The following SPATA13 variants were observed in gnomAD, a reference collection of about 807,000 sequenced individuals.
The protein encoded by SPATA13 is spermatogenesis-associated protein 13.
Under a neutral mutation model 104.0 loss-of-function variants are expected in SPATA13, and 50 were observed. That is an observed-to-expected ratio of 0.48 (90% CI 0.38 to 0.61). SPATA13 has a LOEUF of 0.61. SPATA13 is among the 20% of genes least tolerant of loss of function. The pLI is 0.00. For synonymous variants in SPATA13, 606 were observed against 667.5 expected (o/e 0.91, Z 1.42); for missense variants, 1,524 against 1,690.6 (o/e 0.90, Z 1.73).
At chr13:24,176,616 G>A (rs1031656542) in intron 1 of SPATA13, among the ~76,000 whole-genome samples, 2 of 151,886 alleles carry the variant, frequency 1.3e-5, no homozygotes, top group South Asian at 4.1e-4. Context: ...TCCCAGAAAT[G>A]ACCCTCAGTC....
chr13:24,152,105 A>G (rs1566122998), intron 3 of SPATA13, among the ~76,000 whole-genome samples: 1 of 152,218 alleles, frequency 6.6e-6, no homozygotes, highest in South Asian at 2.1e-4. Context: ...AAAATACCTT[A>G]GACTCAGTAA....
At chr13:24,187,736 C>A (rs1239205682) in intron 1 of SPATA13, among the ~76,000 whole-genome samples, 1 of 152,158 alleles carries the variant, frequency 6.6e-6, no homozygotes, top group African/African-American at 2.4e-5. Flanking sequence ...TAAACTTGAT[C>A]AATAAATGTT....
At chr13:24,248,606 C>G (rs1435183184) in intron 2 of SPATA13, among the ~76,000 whole-genome samples, 2 of 152,182 alleles carry the variant, frequency 1.3e-5, no homozygotes, top group African/African-American at 4.8e-5. Context: ...GTAGCCTAGT[C>G]TAGTTCTTTG....
intron 1 of SPATA13, among the ~76,000 whole-genome samples, chr13:24,183,900 GAC>G (rs923947087): frequency 1.3e-5 from 2 of 152,094 alleles, no homozygotes; most frequent in African/African-American, 4.8e-5. Context: ...CGCTTCCTCA[GAC>G]ACAGCGTCAC....
intron 3 of SPATA13, among the ~76,000 whole-genome samples, chr13:24,030,869 C>T (rs1299923887): frequency 6.6e-6 from 1 of 152,100 alleles, no homozygotes; most frequent in African/African-American, 2.4e-5. Context: ...TCCTCACAGC[C>T]CAATGAAATG....
At chr13:24,082,518 C>CAAAT (rs1879557390) in intron 3 of SPATA13, among the ~76,000 whole-genome samples, 1 of 152,068 alleles carries the variant, frequency 6.6e-6, no homozygotes, top group South Asian at 2.1e-4. Context: ...CAACTACAGC[C>CAAAT]AAAATAAAAA....
At chr13:24,116,133 A>G (rs1051044821) in intron 3 of SPATA13, among the ~76,000 whole-genome samples, 51 of 152,254 alleles carry the variant, frequency 3.3e-4, no homozygotes, top group African/African-American at 1.2e-3. Flanking sequence ...TGAGTGGCTC[A>G]TGAACAACAG....
intron 3 of SPATA13, among the ~76,000 whole-genome samples, chr13:24,024,646 G>A (rs1302665638): frequency 2.7e-5 from 4 of 148,992 alleles, no homozygotes; most frequent in African/African-American, 9.9e-5. Flanking sequence ...TGTCACACAG[G>A]AAGTTTTTCT....
At chr13:24,270,766 C>A in intron 4 of SPATA13, 2 of 1,600,414 alleles carry the variant, frequency 1.2e-6, no homozygotes, top group South Asian at 1.1e-5. Flanking sequence ...CCCGTAGCTG[C>A]CAGCCTGTGC....
intron 10 of SPATA13, among the ~76,000 whole-genome samples, chr13:24,296,621 C>T (rs1876802528): frequency 6.6e-6 from 1 of 152,132 alleles, no homozygotes; most frequent in African/African-American, 2.4e-5. Context: ...TACTGTGTCC[C>T]CTGCATGAAT....
chr13:24,103,627 A>C (rs762093000), intron 3 of SPATA13, among the ~76,000 whole-genome samples: 1 of 152,144 alleles, frequency 6.6e-6, no homozygotes, highest in African/African-American at 2.4e-5. Flanking sequence ...AGCTTGTATA[A>C]CTGTCTATAT....
intron 3 of SPATA13, among the ~76,000 whole-genome samples, chr13:24,079,942 T>G (rs1879455230): frequency 6.6e-6 from 1 of 152,244 alleles, no homozygotes; most frequent in African/African-American, 2.4e-5. Context: ...AGATGCTGAC[T>G]TTCAAGTTAA....
intron 3 of SPATA13, among the ~76,000 whole-genome samples, chr13:24,078,409 A>G (rs1054427113): frequency 1.3e-5 from 2 of 152,224 alleles, no homozygotes; most frequent in Admixed American, 6.5e-5. Flanking sequence ...ACTCACAGTA[A>G]CAGTCTGAAG....
intron 2 of SPATA13, among the ~76,000 whole-genome samples, chr13:24,003,552 G>A (rs115606484): frequency 0.025 from 3,817 of 152,224 alleles, 149 homozygotes; most frequent in African/African-American, 0.086. Flanking sequence ...GAAAACCTAG[G>A]ATTTTAAAAG....
In SPATA13 at chr13:24,223,381, G is replaced by A; in HGVS notation, c.452G>A (p.Gly151Asp). ...GGCCTGGGAAAGTCCATCCCAAATG[G>A]CGCTGTCCCAGGAGCCCAGGCAAGC... ...EHGLGKSIPNGAVPGAQASRG... is the reference protein window; with the variant it reads ...EHGLGKSIPNDAVPGAQASRG... Residue 151 changes from glycine (G) to aspartate (D), a missense_variant, in exon 2 of 13, where the codon GGC becomes GAC. Physicochemically the swap from Gly to Asp is moderately conservative, Grantham distance 94. Around this residue, in one of 2 missense-constraint regions of SPATA13, gnomAD observed 1,089 missense variants for 1,135.9 expected, o/e 0.96. Transcript: ENST00000382108. 1 of 1,551,316 alleles carries A rather than the reference G, an allele frequency of 6.4e-7. No individual in the cohort carries two copies. Among genetic ancestry groups the A allele is most frequent in the South Asian group, 1.2e-5 (1 of 84,064 alleles).
At chr13:24,268,812 G>C (rs918407572) in intron 4 of SPATA13, among the ~76,000 whole-genome samples, 2 of 152,150 alleles carry the variant, frequency 1.3e-5, no homozygotes, top group Admixed American at 1.3e-4. Flanking sequence ...CTGGTCATAA[G>C]AGTTTGTGTG....
At chr13:24,183,887 G>A (rs770044241) in intron 1 of SPATA13, among the ~76,000 whole-genome samples, 2 of 152,004 alleles carry the variant, frequency 1.3e-5, no homozygotes, top group African/African-American at 4.8e-5. Context: ...AAATAATCAC[G>A]GGCGCTTCCT....
intron 1 of SPATA13, among the ~76,000 whole-genome samples, chr13:24,190,052 CAT>C (rs1306764191): frequency 0.029 from 319 of 11,162 alleles, 129 homozygotes; most frequent in Non-Finnish European, 0.11. Context: ...TATTATATAA[CAT>C]ATAATGATAT....
In SPATA13 at chr13:24,300,473, A is replaced by T; in HGVS notation, c.3656A>T (p.Lys1219Ile). 1 of 1,613,966 alleles carries T rather than the reference A, an allele frequency of 6.2e-7. No homozygotes were observed. ...CAAAAGGCAGGACATGGAAAGTCAA[A>T]AGGTAAGTTATGGAGAAGGCTTTGT... ...NAQKAGHGKS[K>I]GYNRCPVAPP... is the part of the protein sequence containing the mutation. The change falls in exon 12 of 13, where the codon AAA becomes ATA. Residue 1219 changes from lysine (K) to isoleucine (I), a missense_variant and splice_region_variant. Physicochemically the swap from Lys to Ile is moderately radical, Grantham distance 102 (BLOSUM62 -3). This residue lies in a region of SPATA13 where 435 missense variants were observed against 554.8 expected (regional missense o/e 0.78). Transcript: ENST00000382108.
Sources: gnomAD v4.1 joint callset for allele counts (sites outside exome capture counted in the v4.1 genomes callset) on GRCh38, gnomAD v4.1.1 for gene constraint, gnomAD v4.1.1 regional missense constraint, MANE v1.5 for transcripts, NCBI Gene and HGNC (gene_info 2026-07-23, HGNC 2026-07-21) for gene names.